Variants in CHD2 observed in about 807,000 individuals in gnomAD.
CHD2 encodes chromodomain helicase DNA binding protein 2, also known as ATP-dependent chromatin remodeler CHD2.
A neutral mutation model predicts 243.9 loss-of-function variants in CHD2; 28 were observed. The observed-to-expected ratio is 0.11, with a 90% CI of 0.09 to 0.16. The LOEUF (loss-of-function observed/expected upper bound fraction) is 0.16. CHD2 is among the 10% of genes least tolerant of loss of function. The pLI is 1.00. For missense variants in CHD2, 1,386 were observed against 2,209.8 expected (o/e 0.63, Z 7.47); for synonymous variants, 775 against 779.0 (o/e 0.99, Z 0.09).
At chr15:92,995,990 C>T (rs1029648309) in intron 28 of CHD2, among the ~76,000 whole-genome samples, 5 of 152,080 alleles carry the variant, frequency 3.3e-5, no homozygotes, top group Non-Finnish European at 7.4e-5. Flanking sequence ...GGGTCACTTG[C>T]ATTTTGTTCT....
At chr15:92,930,253 C>T (rs2053140664) in intron 5 of CHD2, among the ~76,000 whole-genome samples, 1 of 152,200 alleles carries the variant, frequency 6.6e-6, no homozygotes, top group African/African-American at 2.4e-5. Flanking sequence ...GTAATCATTA[C>T]TTCACCATCT....
chr15:92,968,433 G>T (rs549891932), intron 17 of CHD2, among the ~76,000 whole-genome samples: 3 of 152,272 alleles, frequency 2.0e-5, no homozygotes, highest in African/African-American at 7.2e-5. Context: ...AAGTGTAAAG[G>T]CTTGATTAGA....
chr15:92,940,854 ATATAAAT>A (rs2053356464), intron 7 of CHD2, among the ~76,000 whole-genome samples: 2 of 137,610 alleles, frequency 1.5e-5, no homozygotes, highest in South Asian at 4.5e-4. Flanking sequence ...ATATATAAAT[ATATAAAT>A]ATATAAAAAT....
At chr15:92,975,446 C>T (rs2053895135) in intron 20 of CHD2, among the ~76,000 whole-genome samples, 1 of 152,052 alleles carries the variant, frequency 6.6e-6, no homozygotes, top group African/African-American at 2.4e-5. Context: ...GTTTGGGGGG[C>T]ACATATAGAA....
At position 92,981,469 on chromosome 15, in the gene CHD2, T is replaced by A; in HGVS notation, c.3066+12T>A. ...TATCACAGTTTAAGGTATGAAGATC[T>A]TTGTGGGAGAGAGTTCTCAGCATTG... On this transcript the variant is annotated intron_variant, in intron 24 of 38. Transcript: ENST00000394196. 6.3e-7 allele frequency: 1 copy of A among 1,595,038 alleles called. No homozygotes were observed. Among genetic ancestry groups the A allele is most frequent in the Non-Finnish European group, 8.6e-7 (1 of 1,163,340 alleles).
At chr15:93,017,499 T>C in intron 37 of CHD2, among the ~76,000 whole-genome samples, 1 of 124,946 alleles carries the variant, frequency 8.0e-6, no homozygotes, top group South Asian at 2.6e-4. Context: ...CTAATTTTTT[T>C]TTTTTTTTTT....
At chr15:92,933,043 C>T (rs7168077) in intron 5 of CHD2, among the ~76,000 whole-genome samples, 3,938 of 16,012 alleles carry the variant, frequency 0.25, 205 homozygotes, top group African/African-American at 0.41. Context: ...CGCCCGGCCC[C>T]TTTTTTTTTT....
intron 16 of CHD2, among the ~76,000 whole-genome samples, chr15:92,959,440 C>G (rs1203758682): frequency 6.6e-6 from 1 of 152,098 alleles, no homozygotes; most frequent in Non-Finnish European, 1.5e-5. Flanking sequence ...ATATTTCTGT[C>G]CTTCTGCCAA....
intron 37 of CHD2, 95 bp from the exon 38 acceptor site, chr15:93,019,915 CAG>C (rs897051892): frequency 6.9e-5 from 98 of 1,427,572 alleles, no homozygotes; most frequent in East Asian, 9.4e-5. Context: ...CCTGGGCAAA[CAG>C]AGCACGACTC....
chr15:92,974,944 G>A lies in CHD2; in HGVS notation c.2571G>A (p.Gly857=), dbSNP rs2141839178. Residue 857 remains glycine (G), a synonymous_variant, in exon 20 of 39, where the codon GGG becomes GGA. Transcript: ENST00000394196. ...KQALDHFNAD[G]SEDFCFLLST... ...CACTGGACCACTTCAATGCAGATGG[G>A]TCTGAGGTATACTATGCATGGCTTT... is the stretch of plus-strand genomic sequence containing the variant. The A allele has an allele frequency of 1.2e-6, 2 of 1,613,470 alleles. No individual in the cohort carries two copies. Among genetic ancestry groups the A allele is most frequent in the African/African-American group, 1.3e-5 (1 of 75,034 alleles).
chr15:92,910,798 C>T (rs962335526), intron 2 of CHD2, among the ~76,000 whole-genome samples: 5 of 152,122 alleles, frequency 3.3e-5, no homozygotes, highest in Admixed American at 3.3e-4. Context: ...GCTGGTTGTA[C>T]GGTCATGTGT....
chr15:93,000,575 G>A lies in CHD2; in HGVS notation c.4072G>A (p.Glu1358Lys), dbSNP rs766747626. The A allele has an allele frequency of 3.1e-5, 50 of 1,613,774 alleles. No homozygotes were observed. The highest frequency in any genetic ancestry group is 4.1e-5 in the Non-Finnish European group (48 of 1,179,834). Reference sequence around the variant, plus strand: ...AAACAAAGTGCCCAGGCTGAAAGAGGAGCATGGAATTGAGCTTTCATCTCC... The same window carrying A: ...AAACAAAGTGCCCAGGCTGAAAGAGAAGCATGGAATTGAGCTTTCATCTCC... ...KENKVPRLKE[E>K]HGIELSSPRH... Residue 1358 changes from glutamate (E) to lysine (K), a missense_variant, in exon 32 of 39, where the codon GAG becomes AAG. Glu to Lys is a moderately conservative substitution (Grantham distance 56, BLOSUM62 1). Around this residue, in one of 19 missense-constraint regions of CHD2, gnomAD observed 125 missense variants for 128.9 expected, o/e 0.97. Coordinates refer to ENST00000394196, the MANE Select transcript of CHD2 (RefSeq NM_001271.4).
intron 7 of CHD2, among the ~76,000 whole-genome samples, chr15:92,940,893 AAT>A (rs1169464625): frequency 2.9e-4 from 26 of 88,394 alleles, no homozygotes; most frequent in East Asian, 1.2e-3. Context: ...TATATATAAA[AAT>A]ATATATAAAT....
chr15:92,942,047 C>T (rs1158462241), intron 8 of CHD2, 92 bp downstream of exon 8: 2 of 1,222,064 alleles, frequency 1.6e-6, no homozygotes, highest in Non-Finnish European at 2.3e-6. Context: ...GAATTTTAGT[C>T]TACTGCTGTA....
chr15:92,950,264 T>C (rs1279156540), intron 13 of CHD2: 1 of 152,254 alleles, frequency 6.6e-6, no homozygotes, highest in Non-Finnish European at 1.5e-5. Context: ...TGAAGGAAGT[T>C]AATTTCTAAA....
At chr15:92,953,114 A>G (rs1269804376) in intron 13 of CHD2, among the ~76,000 whole-genome samples, 1 of 152,206 alleles carries the variant, frequency 6.6e-6, no homozygotes, top group Non-Finnish European at 1.5e-5. Context: ...AGAGTCTGAC[A>G]AGGCTGTCAT....
At chr15:92,984,688 A>T (rs1346929063) in intron 25 of CHD2, among the ~76,000 whole-genome samples, 188 bp downstream of exon 25, 2 of 152,212 alleles carry the variant, frequency 1.3e-5, no homozygotes, top group Non-Finnish European at 2.9e-5. Context: ...CACACCTGTG[A>T]GACATCGGAT....
At chr15:92,988,323 G>A (rs899754437) in intron 26 of CHD2, among the ~76,000 whole-genome samples, 1 of 152,152 alleles carries the variant, frequency 6.6e-6, no homozygotes, top group Admixed American at 6.5e-5. Flanking sequence ...GACCTCAGGT[G>A]ATCGGTGTGC....
At chr15:93,005,053 T>C (rs898179519) in intron 34 of CHD2, among the ~76,000 whole-genome samples, 1 of 152,168 alleles carries the variant, frequency 6.6e-6, no homozygotes, top group African/African-American at 2.4e-5. Flanking sequence ...AGCAAGTATT[T>C]ATTGAATGTT....
Sources: gnomAD v4.1 joint callset for allele counts (sites outside exome capture counted in the v4.1 genomes callset) on GRCh38, gnomAD v4.1.1 for gene constraint, gnomAD v4.1.1 regional missense constraint, MANE v1.5 for transcripts, NCBI Gene and HGNC (gene_info 2026-07-23, HGNC 2026-07-21) for gene names.